The following ABTB3 variants were observed in gnomAD, a reference collection of about 807,000 sequenced individuals.
The protein encoded by ABTB3 is ankyrin repeat and BTB domain containing 3.
chr12:107,634,672 G>A, the ABTB3 span, among the ~76,000 whole-genome samples: 1 of 152,200 alleles, frequency 6.6e-6, no homozygotes, highest in African/African-American at 2.4e-5. Flanking sequence ...TCAAGGACAA[G>A]CAGGCGCGTG....
At chr12:107,384,484 G>A in the ABTB3 span, among the ~76,000 whole-genome samples, 1 of 152,222 alleles carries the variant, frequency 6.6e-6, no homozygotes, top group African/African-American at 2.4e-5. Flanking sequence ...CTTGGCAGGT[G>A]TCGTAGGTTG....
chr12:107,594,042 G>C, the ABTB3 span, among the ~76,000 whole-genome samples: 1 of 152,196 alleles, frequency 6.6e-6, no homozygotes, highest in African/African-American at 2.4e-5. Context: ...AAAAGGTAAG[G>C]TCTGAAAGAC....
the ABTB3 span, among the ~76,000 whole-genome samples, chr12:107,495,397 C>T: frequency 6.6e-6 from 1 of 152,144 alleles, no homozygotes; most frequent in Non-Finnish European, 1.5e-5. Context: ...CAAGCCCCAG[C>T]GGGGATGGCC....
chr12:107,450,414 C>G, the ABTB3 span, among the ~76,000 whole-genome samples: 1 of 152,092 alleles, frequency 6.6e-6, no homozygotes, highest in South Asian at 2.1e-4. Context: ...AAGACTCCAT[C>G]CCTCGATGGA....
chr12:107,449,167 A>G, the ABTB3 span, among the ~76,000 whole-genome samples: 2 of 152,172 alleles, frequency 1.3e-5, no homozygotes, highest in Non-Finnish European at 2.9e-5. Context: ...GGCAGGGTAC[A>G]CTGCAGAGCC....
chr12:107,650,437 C>T, the ABTB3 span: 1 of 152,272 alleles, frequency 6.6e-6, no homozygotes, highest in African/African-American at 2.4e-5. Flanking sequence ...CATGGACACA[C>T]AGTGACTCTC....
the ABTB3 span, among the ~76,000 whole-genome samples, chr12:107,622,680 G>A: frequency 1.3e-5 from 2 of 152,118 alleles, no homozygotes; most frequent in Non-Finnish European, 2.9e-5. Flanking sequence ...CACCATGTTG[G>A]CCAGGGTGAT....
the ABTB3 span, among the ~76,000 whole-genome samples, chr12:107,476,473 A>G: frequency 1.4e-4 from 21 of 152,114 alleles, no homozygotes; most frequent in African/African-American, 5.1e-4. Flanking sequence ...GTGTCAGACA[A>G]TCTCCAAGGG....
the ABTB3 span, among the ~76,000 whole-genome samples, chr12:107,408,875 C>T: frequency 6.6e-6 from 1 of 152,222 alleles, no homozygotes; most frequent in Non-Finnish European, 1.5e-5. Flanking sequence ...GTGCTGGGTG[C>T]CAGGGGCACA....
At chr12:107,599,638 G>A in the ABTB3 span, among the ~76,000 whole-genome samples, 5 of 152,152 alleles carry the variant, frequency 3.3e-5, no homozygotes, top group African/African-American at 1.2e-4. Flanking sequence ...CGTTACCTGT[G>A]TAGCCAAACA....
the ABTB3 span, among the ~76,000 whole-genome samples, chr12:107,423,367 A>C: frequency 6.6e-6 from 1 of 152,206 alleles, no homozygotes; most frequent in Non-Finnish European, 1.5e-5. Flanking sequence ...CTAGCTGCAG[A>C]ACACAGTATC....
At chr12:107,622,038 C>T in the ABTB3 span, among the ~76,000 whole-genome samples, 2,140 of 152,088 alleles carry the variant, frequency 0.014, 47 homozygotes, top group African/African-American at 0.048. Flanking sequence ...CCCAGGAGTT[C>T]GAGATTAGCC....
the ABTB3 span, among the ~76,000 whole-genome samples, chr12:107,326,922 C>A: frequency 6.6e-6 from 1 of 152,164 alleles, no homozygotes; most frequent in East Asian, 1.9e-4. Flanking sequence ...GGTCCTGATT[C>A]TTCTCCTGAT....
chr12:107,321,128 A>C, the ABTB3 span, among the ~76,000 whole-genome samples: 6 of 152,232 alleles, frequency 3.9e-5, no homozygotes, highest in Non-Finnish European at 8.8e-5. Context: ...TCTAAAGGCG[A>C]AATAAAACTT....
At chr12:107,341,246 T>C in the ABTB3 span, among the ~76,000 whole-genome samples, 4 of 152,192 alleles carry the variant, frequency 2.6e-5, no homozygotes, top group African/African-American at 9.7e-5. Context: ...CGTTCTTCCA[T>C]AGCACTGTAG....
chr12:107,497,903 G>A, the ABTB3 span, among the ~76,000 whole-genome samples: 495 of 152,254 alleles, frequency 3.3e-3, 2 homozygotes, highest in African/African-American at 0.011. Flanking sequence ...GTCAGGACGT[G>A]GAGCCTGACC....
chr12:107,652,495 C>T, the ABTB3 span, among the ~76,000 whole-genome samples: 1 of 152,108 alleles, frequency 6.6e-6, no homozygotes, highest in Non-Finnish European at 1.5e-5. Flanking sequence ...CAGATGGGGC[C>T]AAGATTGAGA....
At chr12:107,410,551 G>A in the ABTB3 span, among the ~76,000 whole-genome samples, 1 of 152,200 alleles carries the variant, frequency 6.6e-6, no homozygotes, top group African/African-American at 2.4e-5. Flanking sequence ...CAGTGAAATG[G>A]GTAGGCCCAG....
chr12:107,395,697 G>A, the ABTB3 span, among the ~76,000 whole-genome samples: 1 of 152,316 alleles, frequency 6.6e-6, no homozygotes, highest in East Asian at 1.9e-4. Context: ...TGCTGTAAGA[G>A]TGCCATCCAC....
Sources: gnomAD v4.1 joint callset for allele counts (sites outside exome capture counted in the v4.1 genomes callset) on GRCh38, gnomAD v4.1.1 for gene constraint, MANE v1.5 for transcripts, NCBI Gene and HGNC (gene_info 2026-07-23, HGNC 2026-07-21) for gene names.